The following ROBO1 variants were observed in gnomAD, a reference collection of about 807,000 sequenced individuals.
ROBO1 encodes the protein roundabout homolog 1.
In ROBO1, 149 loss-of-function variants were observed where a neutral mutation model predicts 195.9. The observed-to-expected ratio is 0.76, with a 90% CI of 0.67 to 0.87. The LOEUF is 0.87. Ranked by LOEUF, ROBO1 falls within the 40% of genes least tolerant of loss-of-function variation. The pLI is 0.00. For missense variants in ROBO1, 1,933 were observed against 2,068.3 expected (o/e 0.93, Z 1.27); for synonymous variants, 816 against 733.2 (o/e 1.11, Z -1.82).
chr3:78,614,065 T>C (rs1405292069), intron 28 of ROBO1, among the ~76,000 whole-genome samples: 1 of 152,178 alleles, frequency 6.6e-6, no homozygotes, highest in Non-Finnish European at 1.5e-5. Context: ...TTAAAGGCTT[T>C]TTCTAGACAA....
intron 1 of ROBO1, among the ~76,000 whole-genome samples, chr3:79,673,302 C>T (rs1316144221): frequency 2.0e-5 from 3 of 151,844 alleles, no homozygotes; most frequent in African/African-American, 7.3e-5. Context: ...GAGGGTAAAA[C>T]ATGAATGTTT....
intron 3 of ROBO1, among the ~76,000 whole-genome samples, chr3:79,096,323 G>C (rs1559655535): frequency 6.6e-6 from 1 of 151,848 alleles, no homozygotes; most frequent in Non-Finnish European, 1.5e-5. Flanking sequence ...AAGATCTCTA[G>C]ATTTCTTTAG....
chr3:79,711,400 G>A (rs1702270552), intron 1 of ROBO1, among the ~76,000 whole-genome samples: 1 of 152,102 alleles, frequency 6.6e-6, no homozygotes, highest in African/African-American at 2.4e-5. Flanking sequence ...TACACACAGA[G>A]ATTACGTGTA....
At position 79,484,755 on chromosome 3, in the gene ROBO1, C is replaced by CTTT. The variant is rs1158213253; in HGVS notation, c.88+105066_88+105068dup. The stretch of plus-strand genomic sequence containing the variant: ...TTATACACCACTATCATTGCACTAT[C>CTTT]TTTTTTTTTTTTTTTTTGAGACAGA... On this transcript the variant is annotated intron_variant, in intron 2 of 30. Coordinates refer to ENST00000464233, the MANE Select transcript of ROBO1 (RefSeq NM_002941.4). 7.3e-4 allele frequency among the ~76,000 whole-genome samples: 49 copies of CTTT among 66,884 alleles called. 12 individuals are homozygous for CTTT. The highest frequency in any genetic ancestry group is 3.0e-3 in the Admixed American group (11 of 3,642). 43.9% of individuals were successfully genotyped at this position (66,884 alleles called of 152,430 possible).
At chr3:79,133,925 C>G (rs1373981423) in intron 2 of ROBO1, among the ~76,000 whole-genome samples, 1 of 151,892 alleles carries the variant, frequency 6.6e-6, no homozygotes, top group Non-Finnish European at 1.5e-5. Context: ...AGCTGCAGGT[C>G]TGTTGGAATA....
chr3:78,792,264 T>C (rs2084043432), intron 4 of ROBO1, among the ~76,000 whole-genome samples: 1 of 152,236 alleles, frequency 6.6e-6, no homozygotes, highest in Non-Finnish European at 1.5e-5. Flanking sequence ...GTCATTTCTA[T>C]AAACAAGACC....
At position 78,640,164 on chromosome 3, in the gene ROBO1, C is replaced by G. The variant is rs560981034; in HGVS notation, c.2883-266G>C. Among the ~76,000 whole-genome samples, 3 of 152,244 alleles carry G rather than the reference C, an allele frequency of 2.0e-5. No individual in the cohort carries two copies. In the South Asian group the frequency reaches 6.2e-4, roughly 32 times the overall value. ...CTCGTATCATTTGCAATGTTCTACT[C>G]TGCCTTTAGTCATAATGGTTAAAAA... On this transcript the variant is annotated intron_variant, in intron 21 of 30. Coordinates refer to ENST00000464233, the MANE Select transcript of ROBO1 (RefSeq NM_002941.4).
chr3:78,959,405 A>G (rs543492932), intron 3 of ROBO1, among the ~76,000 whole-genome samples: 5 of 152,358 alleles, frequency 3.3e-5, no homozygotes, highest in African/African-American at 1.2e-4. Context: ...GGAAAACTAC[A>G]GTAAATTCTC....
intron 4 of ROBO1, among the ~76,000 whole-genome samples, chr3:78,934,887 G>A (rs1189553788): frequency 1.3e-5 from 2 of 151,784 alleles, no homozygotes; most frequent in Non-Finnish European, 2.9e-5. Flanking sequence ...TTTACCCCTA[G>A]GAGTAATCCT....
At chr3:79,362,030 C>T (rs1200915015) in intron 2 of ROBO1, among the ~76,000 whole-genome samples, 1 of 151,960 alleles carries the variant, frequency 6.6e-6, no homozygotes, top group Non-Finnish European at 1.5e-5. Flanking sequence ...GGACATGAAT[C>T]TACATCACAC....
chr3:79,068,913 C>A (rs1480914985), intron 3 of ROBO1, among the ~76,000 whole-genome samples: 2 of 151,758 alleles, frequency 1.3e-5, no homozygotes, highest in East Asian at 3.9e-4. Flanking sequence ...CCTTTCTCTT[C>A]CATTATCATG....
At chr3:78,827,303 T>C (rs1298724412) in intron 4 of ROBO1, among the ~76,000 whole-genome samples, 1 of 152,174 alleles carries the variant, frequency 6.6e-6, no homozygotes, top group Non-Finnish European at 1.5e-5. Context: ...AATCTGTTTT[T>C]CATTTGAAAA....
chr3:79,226,639 C>T (rs760876881), intron 2 of ROBO1, among the ~76,000 whole-genome samples: 9 of 151,518 alleles, frequency 5.9e-5, no homozygotes, highest in African/African-American at 1.5e-4. Flanking sequence ...CTCCTGGGCT[C>T]AAGCGATCCT....
At chr3:78,737,361 G>C (rs1475684902) in intron 5 of ROBO1, among the ~76,000 whole-genome samples, 1 of 152,082 alleles carries the variant, frequency 6.6e-6, no homozygotes, top group East Asian at 1.9e-4. Context: ...TTTCCATCAA[G>C]ATTTAGATGA....
At chr3:79,064,995 T>G (rs552048947) in intron 3 of ROBO1, among the ~76,000 whole-genome samples, 1 of 151,310 alleles carries the variant, frequency 6.6e-6, no homozygotes, top group African/African-American at 2.5e-5. Context: ...TCTTTGATCT[T>G]AAGTATTAAG....
intron 4 of ROBO1, among the ~76,000 whole-genome samples, chr3:78,877,718 G>T (rs979464049): frequency 1.3e-5 from 2 of 152,060 alleles, no homozygotes; most frequent in Non-Finnish European, 2.9e-5. Flanking sequence ...TTGAATACAA[G>T]GTAAGCCTTC....
intron 8 of ROBO1, among the ~76,000 whole-genome samples, chr3:78,707,077 CT>C (rs1393779192): frequency 5.9e-5 from 9 of 152,156 alleles, no homozygotes; most frequent in African/African-American, 2.2e-4. Context: ...ACAGCTGCTT[CT>C]TGTTTTACTG....
intron 3 of ROBO1, among the ~76,000 whole-genome samples, chr3:79,050,275 C>A (rs192859158): frequency 6.6e-6 from 1 of 152,132 alleles, no homozygotes; most frequent in African/African-American, 2.4e-5. Context: ...AGGCTTTAAA[C>A]CAACAAAGAT....
intron 2 of ROBO1, among the ~76,000 whole-genome samples, chr3:79,397,140 TA>T (rs1181713167): frequency 6.6e-6 from 1 of 151,876 alleles, no homozygotes; most frequent in Non-Finnish European, 1.5e-5. Context: ...AATTAGTGTG[TA>T]AAAGTATTTC....
Sources: gnomAD v4.1 joint callset for allele counts (sites outside exome capture counted in the v4.1 genomes callset) on GRCh38, gnomAD v4.1.1 for gene constraint, MANE v1.5 for transcripts, NCBI Gene and HGNC (gene_info 2026-07-23, HGNC 2026-07-21) for gene names.